Variants in NELL1 observed in about 807,000 individuals in gnomAD.
NELL1 encodes protein kinase C-binding protein NELL1.
In NELL1, 76 loss-of-function variants were observed where a neutral mutation model predicts 107.4. That is an observed-to-expected ratio of 0.71 (90% CI 0.59 to 0.86). The LOEUF (loss-of-function observed/expected upper bound fraction) is 0.86. Ranked by LOEUF, NELL1 falls within the 40% of genes least tolerant of loss-of-function variation. NELL1 has a pLI of 0.00. For synonymous variants in NELL1, 353 were observed against 341.2 expected (o/e 1.03, Z -0.38); for missense variants, 1,024 against 1,005.5 (o/e 1.02, Z -0.25).
At chr11:20,850,360 G>A (rs570923114) in intron 4 of NELL1, among the ~76,000 whole-genome samples, 141 of 152,300 alleles carry the variant, frequency 9.3e-4, no homozygotes, top group African/African-American at 3.2e-3. Context: ...ACCCAGTAGT[G>A]TTCTGCTGAT....
At chr11:21,429,757 C>G (rs542514905) in intron 15 of NELL1, among the ~76,000 whole-genome samples, 16 of 152,268 alleles carry the variant, frequency 1.1e-4, no homozygotes, top group African/African-American at 3.6e-4. Flanking sequence ...AGGAAAGTCC[C>G]TTGTCTATAA....
chr11:20,682,250 A>T (rs530275436), intron 2 of NELL1, among the ~76,000 whole-genome samples: 790 of 152,126 alleles, frequency 5.2e-3, no homozygotes, highest in African/African-American at 0.018. Flanking sequence ...TGCATCTTTA[A>T]TTGTAACATC....
At chr11:21,237,002 C>T (rs1858224891) in intron 14 of NELL1, among the ~76,000 whole-genome samples, 2 of 152,234 alleles carry the variant, frequency 1.3e-5, no homozygotes, top group South Asian at 4.1e-4. Context: ...AAAACATCTA[C>T]AGGCTGATCT....
intron 12 of NELL1, among the ~76,000 whole-genome samples, chr11:21,051,112 T>C (rs956244327): frequency 3.3e-5 from 5 of 152,050 alleles, no homozygotes; most frequent in Non-Finnish European, 4.4e-5. Context: ...CAATTCACAA[T>C]TACAAAATAT....
chr11:20,996,690 C>CT (rs1852097726), intron 12 of NELL1, among the ~76,000 whole-genome samples: 2 of 152,260 alleles, frequency 1.3e-5, no homozygotes, highest in Admixed American at 6.5e-5. Flanking sequence ...TAAATTACAA[C>CT]TTTTTTCTGT....
chr11:21,425,138 C>T (rs955436475), intron 15 of NELL1, among the ~76,000 whole-genome samples: 8 of 152,140 alleles, frequency 5.3e-5, no homozygotes, highest in Admixed American at 2.0e-4. Flanking sequence ...AAGCAATCTA[C>T]GGATTCAAAG....
chr11:21,127,436 G>GA (rs1855510603), intron 13 of NELL1, among the ~76,000 whole-genome samples: 2 of 151,824 alleles, frequency 1.3e-5, no homozygotes, highest in Admixed American at 6.6e-5. Context: ...CTCTACAAAA[G>GA]AAAAAAATTT....
At chr11:20,795,191 ACTT>A (rs1857146757) in intron 3 of NELL1, among the ~76,000 whole-genome samples, 1 of 152,186 alleles carries the variant, frequency 6.6e-6, no homozygotes, top group Admixed American at 6.5e-5. Context: ...CGAGGAGTGA[ACTT>A]CTTGGCAAAG....
At chr11:21,313,177 A>G (rs1849787921) in intron 14 of NELL1, among the ~76,000 whole-genome samples, 1 of 152,202 alleles carries the variant, frequency 6.6e-6, no homozygotes, top group African/African-American at 2.4e-5. Flanking sequence ...CTTAAAAAGC[A>G]TCAAATTCAA....
intron 15 of NELL1, among the ~76,000 whole-genome samples, chr11:21,463,832 A>T (rs561129293): frequency 4.2e-4 from 64 of 152,210 alleles, no homozygotes; most frequent in Non-Finnish European, 7.1e-4. Context: ...AGGGACTCAG[A>T]TGGAAAGACT....
At chr11:20,917,064 T>A (rs1379384697) in intron 5 of NELL1, among the ~76,000 whole-genome samples, 2 of 152,018 alleles carry the variant, frequency 1.3e-5, no homozygotes, top group Admixed American at 6.6e-5. Context: ...TTTGAAAGAC[T>A]GAGTAATCTC....
At chr11:21,258,163 G>GA (rs1207328077) in intron 14 of NELL1, among the ~76,000 whole-genome samples, 1 of 151,960 alleles carries the variant, frequency 6.6e-6, no homozygotes, top group Non-Finnish European at 1.5e-5. Flanking sequence ...CTGAGAGTGA[G>GA]AAAAAAATGT....
intron 3 of NELL1, among the ~76,000 whole-genome samples, chr11:20,811,338 G>C (rs545022746): frequency 6.6e-6 from 1 of 152,060 alleles, no homozygotes; most frequent in South Asian, 2.1e-4. Flanking sequence ...TGTTGTTTTG[G>C]TTATCATATC....
At chr11:21,154,926 G>A (rs773082770) in intron 13 of NELL1, among the ~76,000 whole-genome samples, 11 of 152,282 alleles carry the variant, frequency 7.2e-5, no homozygotes, top group South Asian at 2.1e-4. Flanking sequence ...TGTATTGTGT[G>A]GTATACAATT....
chr11:21,428,984 A>G (rs1054747391), intron 15 of NELL1, among the ~76,000 whole-genome samples: 2 of 152,182 alleles, frequency 1.3e-5, no homozygotes, highest in African/African-American at 4.8e-5. Context: ...CCTGATAGCC[A>G]CTTTCCTTTT....
intron 7 of NELL1, among the ~76,000 whole-genome samples, chr11:20,922,600 C>T (rs1014586839): frequency 1.3e-5 from 2 of 151,582 alleles, no homozygotes; most frequent in African/African-American, 4.9e-5. Context: ...ATTAAATAGG[C>T]CGATTGTGGC....
intron 12 of NELL1, among the ~76,000 whole-genome samples, chr11:21,093,029 C>G (rs560949776): frequency 6.6e-6 from 1 of 152,068 alleles, no homozygotes; most frequent in Non-Finnish European, 1.5e-5. Context: ...AGGAACAGGG[C>G]TAGGCAGGCA....
rs554407206 is a variant in NELL1, at chr11:21,243,711, A to G, written c.1549+14257A>G. ...GATTTAAAATTTTTTAGAAGCTGCC[A>G]TAAGAAAGATACTAGACACAGGTTA... is the stretch of plus-strand genomic sequence containing the variant. On this transcript the variant is annotated intron_variant, in intron 14 of 19. Coordinates refer to ENST00000357134, the MANE Select transcript of NELL1 (RefSeq NM_006157.5). 1.1e-4 allele frequency among the ~76,000 whole-genome samples: 17 copies of G among 152,304 alleles called. No individual in the cohort carries two copies. In the South Asian group the frequency reaches 3.1e-3, roughly 28 times the overall value.
intron 15 of NELL1, among the ~76,000 whole-genome samples, chr11:21,408,336 G>C (rs1447952493): frequency 6.6e-6 from 1 of 151,994 alleles, no homozygotes; most frequent in African/African-American, 2.4e-5. Flanking sequence ...TACAGCTGTA[G>C]AGAGAGTTCC....
Sources: allele counts gnomAD v4.1 joint callset (sites outside exome capture counted in the v4.1 genomes callset), GRCh38; gene constraint gnomAD v4.1.1; transcripts MANE v1.5; gene names NCBI Gene and HGNC (gene_info 2026-07-23, HGNC 2026-07-21).